TTC28: variants seen among roughly 807,000 people sequenced by gnomAD.
The protein encoded by TTC28 is tetratricopeptide repeat domain 28.
A neutral mutation model predicts 198.0 loss-of-function variants in TTC28; 61 were observed. The observed-to-expected ratio is 0.31, with a 90% confidence interval of 0.25 to 0.38. The LOEUF is 0.38. Ranked by LOEUF, TTC28 falls within the 10% of genes least tolerant of loss-of-function variation. TTC28 has a pLI of 1.00. For missense variants in TTC28, 2,678 were observed against 3,164.0 expected, an observed-to-expected ratio of 0.85 and a Z score of 3.69; for synonymous variants, 1,171 against 1,297.8, an observed-to-expected ratio of 0.90 and a Z score of 2.10.
intron 2 of TTC28, among the ~76,000 whole-genome samples, chr22:28,360,718 T>C (rs2046145490): frequency 6.6e-6 from 1 of 152,176 alleles, no homozygotes; most frequent in Non-Finnish European, 1.5e-5. Flanking sequence ...CATACTTTGT[T>C]TTACTGCACT....
intron 2 of TTC28, among the ~76,000 whole-genome samples, chr22:28,372,955 T>C (rs1413379089): frequency 4.6e-5 from 7 of 152,172 alleles, no homozygotes; most frequent in African/African-American, 1.7e-4. Flanking sequence ...AAGCTTGCAT[T>C]TAGCTGAACC....
At chr22:28,464,968 T>G (rs1366841401) in intron 2 of TTC28, among the ~76,000 whole-genome samples, 1 of 152,238 alleles carries the variant, frequency 6.6e-6, no homozygotes, top group Non-Finnish European at 1.5e-5. Flanking sequence ...TTTTACAGAC[T>G]TCACACCAGA....
At chr22:28,071,588 G>C (rs147534618) in intron 12 of TTC28, among the ~76,000 whole-genome samples, 8,073 of 148,816 alleles carry the variant, frequency 0.054, 391 homozygotes, top group East Asian at 0.24. Context: ...GTGGTGGGGT[G>C]GGGGGGAGCG....
chr22:28,539,209 A>G (rs1206698045), intron 2 of TTC28, among the ~76,000 whole-genome samples: 1 of 152,120 alleles, frequency 6.6e-6, no homozygotes, highest in African/African-American at 2.4e-5. Flanking sequence ...TGAGGACTGG[A>G]GCTCGGCAAG....
chr22:28,639,590 G>A (rs1038999420), intron 1 of TTC28, among the ~76,000 whole-genome samples: 1 of 152,170 alleles, frequency 6.6e-6, no homozygotes, highest in Non-Finnish European at 1.5e-5. Flanking sequence ...TGCTGTTGTT[G>A]TGATAGTAAG....
At chr22:28,260,646 ACAG>A (rs1931251977) in intron 5 of TTC28, among the ~76,000 whole-genome samples, 1 of 152,146 alleles carries the variant, frequency 6.6e-6, no homozygotes, top group Non-Finnish European at 1.5e-5. Context: ...AAAACAAACA[ACAG>A]CAATAAAACC....
At chr22:28,283,027 A>G (rs1021117576) in intron 5 of TTC28, among the ~76,000 whole-genome samples, 3 of 152,190 alleles carry the variant, frequency 2.0e-5, no homozygotes, top group African/African-American at 7.2e-5. Flanking sequence ...CAGCCGATTT[A>G]TAATACAAAG....
intron 2 of TTC28, among the ~76,000 whole-genome samples, chr22:28,343,616 C>A (rs1332094965): frequency 6.6e-6 from 1 of 151,742 alleles, no homozygotes; most frequent in Non-Finnish European, 1.5e-5. Flanking sequence ...TTATGGAGCA[C>A]AAGTAAGTCC....
intron 12 of TTC28, among the ~76,000 whole-genome samples, chr22:28,062,553 T>C (rs1379385082): frequency 6.6e-6 from 1 of 151,970 alleles, no homozygotes; most frequent in Admixed American, 6.6e-5. Context: ...CACTGTAGAC[T>C]TGAACTCCTG....
intron 5 of TTC28, among the ~76,000 whole-genome samples, chr22:28,183,534 A>G (rs899808973): frequency 6.6e-6 from 1 of 152,060 alleles, no homozygotes; most frequent in Non-Finnish European, 1.5e-5. Context: ...TGTCACCTCA[A>G]ATCAAGTCCT....
chr22:28,608,589 A>G (rs1441453068), intron 2 of TTC28, among the ~76,000 whole-genome samples: 2 of 152,206 alleles, frequency 1.3e-5, no homozygotes, highest in Non-Finnish European at 2.9e-5. Flanking sequence ...CTCGGAATCT[A>G]AAAATGTGCA....
intron 2 of TTC28, among the ~76,000 whole-genome samples, chr22:28,353,869 G>A (rs1433900645): frequency 1.3e-5 from 2 of 152,002 alleles, no homozygotes; most frequent in African/African-American, 4.8e-5. Flanking sequence ...ATAGCCAAAG[G>A]ACTTGAAGAG....
chr22:27,983,129 G>T lies in TTC28; in HGVS notation c.6538C>A (p.Leu2180Ile). 6.4e-7 allele frequency: 1 copy of T among 1,551,812 alleles called. No individual in the cohort carries two copies. The highest frequency in any genetic ancestry group is 8.7e-7 in the Non-Finnish European group (1 of 1,147,030). ...CTCACCTGGCCGCCGCTCCTCTGAA[G>T]ACGCTCCACCGCAATGAGATGACTC... is the stretch of plus-strand genomic sequence containing the variant. Reference protein sequence around the residue: ...TQSHLIAVERLQRSGGQVSKS... With the variant: ...TQSHLIAVERIQRSGGQVSKS... Residue 2180 changes from leucine (L) to isoleucine (I), a missense_variant, in exon 23 of 23, where the codon CTT becomes ATT. By Grantham distance (5) the Leu-to-Ile change is conservative (BLOSUM62 2). Coordinates refer to ENST00000397906, the MANE Select transcript of TTC28 (RefSeq NM_001145418.2).
intron 5 of TTC28, among the ~76,000 whole-genome samples, chr22:28,196,675 A>G (rs1262699260): frequency 6.6e-6 from 1 of 152,140 alleles, no homozygotes; most frequent in Non-Finnish European, 1.5e-5. Context: ...GCAGCCAAAA[A>G]ACACATGAAA....
intron 2 of TTC28, among the ~76,000 whole-genome samples, chr22:28,427,063 C>T (rs1187608150): frequency 1.3e-5 from 2 of 152,118 alleles, no homozygotes; most frequent in Non-Finnish European, 2.9e-5. Context: ...CTACAGATAA[C>T]ATTTTTCAGG....
intron 2 of TTC28, among the ~76,000 whole-genome samples, chr22:28,342,652 C>T (rs2045849727): frequency 6.6e-6 from 1 of 152,116 alleles, no homozygotes; most frequent in South Asian, 2.1e-4. Context: ...AATGCACATA[C>T]ATACGCATAT....
At chr22:28,543,234 G>C (rs1355433409) in intron 2 of TTC28, among the ~76,000 whole-genome samples, 2 of 152,028 alleles carry the variant, frequency 1.3e-5, no homozygotes, top group Admixed American at 6.6e-5. Context: ...CCAAATACTT[G>C]GGAGACTGAA....
At chr22:28,066,479 T>C (rs1940759085) in intron 12 of TTC28, among the ~76,000 whole-genome samples, 1 of 152,174 alleles carries the variant, frequency 6.6e-6, no homozygotes, top group Non-Finnish European at 1.5e-5. Flanking sequence ...CACTGACTAC[T>C]ACTCATTTCC....
At chr22:28,073,100 A>T (rs1303815587) in intron 12 of TTC28, among the ~76,000 whole-genome samples, 1 of 152,208 alleles carries the variant, frequency 6.6e-6, no homozygotes, top group Non-Finnish European at 1.5e-5. Flanking sequence ...TATCAAACAG[A>T]GGTTAGTGAC....
Sources: gnomAD v4.1 joint callset for allele counts (sites outside exome capture counted in the v4.1 genomes callset) on GRCh38, gnomAD v4.1.1 for gene constraint, MANE v1.5 for transcripts, NCBI Gene and HGNC (gene_info 2026-07-23, HGNC 2026-07-21) for gene names.